The following TTLL11 variants were observed in gnomAD, a reference collection of about 807,000 sequenced individuals.
TTLL11 encodes the protein tubulin tyrosine ligase like 11.
In TTLL11, 42 loss-of-function variants were observed where a neutral mutation model predicts 51.7. The ratio of observed to expected loss-of-function variants is 0.81; its 90% CI spans 0.64 to 1.05. The LOEUF is 1.05. Ranked by LOEUF, TTLL11 falls within the 50% of genes least tolerant of loss-of-function variation. The probability of loss-of-function intolerance (pLI) is 0.00; values close to 1 mark genes in which losing one functional copy is unlikely to be tolerated. For synonymous variants in TTLL11, 381 were observed against 383.5 expected, an observed-to-expected ratio of 0.99 and a Z score of 0.08; for missense variants, 799 against 940.4, an observed-to-expected ratio of 0.85 and a Z score of 1.97.
In TTLL11 at chr9:122,031,765, G is replaced by C; in HGVS notation, c.651C>G (p.Arg217=). 1.2e-6 allele frequency: 2 copies of C among 1,613,452 alleles called. No individual in the cohort carries two copies. Among genetic ancestry groups the C allele is most frequent in the Non-Finnish European group, 1.7e-6 (2 of 1,180,012 alleles). ...GGAACTCGTCAGGCAGAATCCATGA[G>C]CGAGGGTAGAAGTTGTACTCCTCAG... ...LFPEEYNFYP[R]SWILPDEFQL... Residue 217 remains arginine (R), a synonymous_variant, in exon 3 of 9, where the codon CGC becomes CGG. Coordinates refer to ENST00000321582, the MANE Select transcript of TTLL11 (RefSeq NM_001139442.2).
chr9:121,897,432 TTC>T (rs1237373742), intron 6 of TTLL11, among the ~76,000 whole-genome samples: 1 of 152,126 alleles, frequency 6.6e-6, no homozygotes, highest in Admixed American at 6.5e-5. Context: ...CGGCTCATTT[TTC>T]TCTCTCTTCT....
At chr9:121,955,284 G>A (rs1415742748) in intron 6 of TTLL11, among the ~76,000 whole-genome samples, 1 of 152,178 alleles carries the variant, frequency 6.6e-6, no homozygotes, top group Non-Finnish European at 1.5e-5. Context: ...GTAGAAAACT[G>A]TGTGTTTTAA....
At chr9:122,060,288 T>C (rs1300550581) in intron 1 of TTLL11, among the ~76,000 whole-genome samples, 1 of 152,250 alleles carries the variant, frequency 6.6e-6, no homozygotes, top group Non-Finnish European at 1.5e-5. Context: ...ACAATGATGA[T>C]AGCTAACTAT....
At position 121,893,350 on chromosome 9, in the gene TTLL11, A is replaced by ATGTGTGTG. The variant is rs57931102; in HGVS notation, c.1482-22610_1482-22603dup. Among the ~76,000 whole-genome samples, 46 of 149,988 alleles carry ATGTGTGTG rather than the reference A, an allele frequency of 3.1e-4. 1 individual carries two copies. Among genetic ancestry groups the ATGTGTGTG allele is most frequent in the Admixed American group, 5.3e-4 (8 of 15,062 alleles). ...TCTCTAGCCTTCTCCATGCATGCAT[A>ATGTGTGTG]TGTGTGTGTGTGTGTGTGTGAGGGG... On this transcript the variant is annotated intron_variant, in intron 6 of 8. Transcript: ENST00000321582.
chr9:121,921,766 G>C (rs1798619098), intron 6 of TTLL11, among the ~76,000 whole-genome samples: 1 of 152,200 alleles, frequency 6.6e-6, no homozygotes, highest in South Asian at 2.1e-4. Context: ...GCAGATGGTG[G>C]AGAAGGGTAG....
At position 121,899,365 on chromosome 9, in the gene TTLL11, G is replaced by GTATATATATATACATATATATATATATA. The variant is rs1554766918; in HGVS notation, c.1482-28645_1482-28618dup. ...TCTGTGTGTGTGTGTATGTGTGTGT[G>GTATATATATATACATATATATATATATA]TATATATATATACATATATATATAT... On this transcript the variant is annotated intron_variant, in intron 6 of 8. Coordinates refer to ENST00000321582, the MANE Select transcript of TTLL11 (RefSeq NM_001139442.2). Among the ~76,000 whole-genome samples, 174 of 113,032 alleles carry GTATATATATATACATATATATATATATA rather than the reference G, an allele frequency of 1.5e-3. 1 individual carries two copies. Among genetic ancestry groups the GTATATATATATACATATATATATATATA allele is most frequent in the Middle Eastern group, 5.0e-3 (1 of 200 alleles). 74.2% of individuals were successfully genotyped at this position (113,032 alleles called of 152,430 possible).
At chr9:122,028,943 A>G (rs778559424) in intron 3 of TTLL11, among the ~76,000 whole-genome samples, 6 of 152,258 alleles carry the variant, frequency 3.9e-5, no homozygotes, top group Non-Finnish European at 7.3e-5. Flanking sequence ...AGAAATCCCA[A>G]GGGAAATTAG....
Position 122,092,993 on chromosome 9 carries a change from C to G in TTLL11, c.156G>C (p.Glu52Asp), listed in dbSNP as rs776621506. 1 of 1,553,368 alleles carries G rather than the reference C, an allele frequency of 6.4e-7. No homozygotes were observed. The highest frequency in any genetic ancestry group is 8.6e-7 in the Non-Finnish European group (1 of 1,159,132). ...RVDAGAAGEP[E>D]CKAGEEQPKV... is the part of the protein sequence containing the mutation. ...TGGGCTGCTCCTCCCCTGCCTTGCA[C>G]TCCGGTTCCCCGGCCGCGCCCGCGT... Residue 52 changes from glutamate to aspartate, a missense_variant, in exon 1 of 9, where the codon GAG (glutamate) becomes GAC (aspartate). Transcript: ENST00000321582.
At chr9:121,975,136 C>A (rs938328318) in intron 4 of TTLL11, among the ~76,000 whole-genome samples, 157 bp from the exon 5 acceptor site, 1 of 152,160 alleles carries the variant, frequency 6.6e-6, no homozygotes, top group Non-Finnish European at 1.5e-5. Flanking sequence ...ACTTGTCAGA[C>A]CAAATGGACA....
chr9:121,905,412 C>T (rs1839910067), intron 6 of TTLL11, among the ~76,000 whole-genome samples: 1 of 151,110 alleles, frequency 6.6e-6, no homozygotes, highest in African/African-American at 2.4e-5. Context: ...AGTGAGATGG[C>T]ACGAACTCGG....
At chr9:121,917,557 G>GAA (rs1840380214) in intron 6 of TTLL11, among the ~76,000 whole-genome samples, 1 of 113,312 alleles carries the variant, frequency 8.8e-6, no homozygotes, top group Non-Finnish European at 1.7e-5. Flanking sequence ...AAAAGAAAAA[G>GAA]AAAGAAAGAA....
chr9:122,044,224 T>C (rs1331037968), intron 1 of TTLL11, among the ~76,000 whole-genome samples: 4 of 152,198 alleles, frequency 2.6e-5, no homozygotes, highest in Admixed American at 6.5e-5. Flanking sequence ...TTCCATGGTG[T>C]ATATGTGCCA....
chr9:122,011,994 A>T (rs990738505), intron 3 of TTLL11, among the ~76,000 whole-genome samples: 1 of 152,206 alleles, frequency 6.6e-6, no homozygotes. Context: ...TTCATTAGCA[A>T]GGCCAGAAAA....
At chr9:121,991,155 T>C (rs1231901357) in intron 3 of TTLL11, among the ~76,000 whole-genome samples, 1 of 152,246 alleles carries the variant, frequency 6.6e-6, no homozygotes, top group Non-Finnish European at 1.5e-5. Context: ...GCTCTCCACC[T>C]TTGCTGTGTA....
chr9:121,850,208 A>T (rs1244952571), intron 8 of TTLL11, among the ~76,000 whole-genome samples: 1 of 152,228 alleles, frequency 6.6e-6, no homozygotes, highest in East Asian at 1.9e-4. Context: ...ACAGAGATAG[A>T]TATAGATATT....
At chr9:122,003,228 G>A (rs892808213) in intron 3 of TTLL11, among the ~76,000 whole-genome samples, 6 of 152,042 alleles carry the variant, frequency 3.9e-5, no homozygotes, top group African/African-American at 4.8e-5. Flanking sequence ...AAACCTCTCC[G>A]GTCCAGCACT....
intron 3 of TTLL11, among the ~76,000 whole-genome samples, chr9:122,023,062 G>C (rs73662568): frequency 0.016 from 2,477 of 151,780 alleles, 56 homozygotes; most frequent in African/African-American, 0.057. Context: ...CTTCTAAACA[G>C]ACTGAGCAGA....
intron 3 of TTLL11, among the ~76,000 whole-genome samples, chr9:122,018,700 C>T (rs1379162815): frequency 6.6e-6 from 1 of 152,204 alleles, no homozygotes; most frequent in East Asian, 1.9e-4. Context: ...TTTTCAGAGT[C>T]TTATTCTGTA....
At chr9:121,891,054 G>A (rs965625854) in intron 6 of TTLL11, among the ~76,000 whole-genome samples, 9 of 152,230 alleles carry the variant, frequency 5.9e-5, no homozygotes, top group African/African-American at 1.9e-4. Context: ...GGTTTGTGGG[G>A]CCCCCTTCAC....
Sources: allele counts gnomAD v4.1 joint callset (sites outside exome capture counted in the v4.1 genomes callset), GRCh38; gene constraint gnomAD v4.1.1; transcripts MANE v1.5; gene names NCBI Gene and HGNC (gene_info 2026-07-23, HGNC 2026-07-21).